The following TXK variants were observed in gnomAD, a reference collection of about 807,000 sequenced individuals.
TXK encodes TXK tyrosine kinase.
TXK carries 60 observed loss-of-function variants against 81.0 expected under a neutral mutation model. The observed-to-expected ratio is 0.74, with a 90% confidence interval of 0.60 to 0.92. TXK has a LOEUF of 0.92. TXK is among the 40% of genes least tolerant of loss of function. TXK has a pLI of 0.00. For missense variants in TXK, 581 were observed against 638.3 expected (o/e 0.91, Z 0.97); for synonymous variants, 203 against 210.7 (o/e 0.96, Z 0.32).
intron 13 of TXK, among the ~76,000 whole-genome samples, chr4:48,072,296 C>A (rs995348257): frequency 6.6e-6 from 1 of 152,202 alleles, no homozygotes; most frequent in African/African-American, 2.4e-5. Context: ...AGCCATCACG[C>A]CCGGCCTAGC....
chr4:48,071,977 A>C, intron 13 of TXK, among the ~76,000 whole-genome samples: 1 of 141,076 alleles, frequency 7.1e-6, no homozygotes, highest in Non-Finnish European at 1.5e-5. Context: ...TTTTTGAGAC[A>C]GGGTCTCGCT....
At position 48,113,329 on chromosome 4, in the gene TXK, A is replaced by G; in HGVS notation, c.72-20T>C. On this transcript the variant is annotated intron_variant, in intron 2 of 14. Transcript: ENST00000264316. ...ATTTGTCTGACATTGAAAAGCAATC[A>G]TGTTACAAATAATTATTTGTACAAA... The G allele has an allele frequency of 1.5e-5, 23 of 1,565,366 alleles. No individual in the cohort carries two copies. The highest frequency in any genetic ancestry group is 2.0e-5 in the Non-Finnish European group (23 of 1,141,766).
intron 13 of TXK, among the ~76,000 whole-genome samples, chr4:48,073,171 C>T (rs568986034): frequency 1.3e-5 from 2 of 150,976 alleles, no homozygotes; most frequent in South Asian, 4.2e-4. Flanking sequence ...AAACAATCCT[C>T]CCACTTCAGC....
Position 48,092,833 on chromosome 4 carries a change from C to T in TXK, c.709+1244G>A, listed in dbSNP as rs147297246. ...GGGACAGAAGAGGAGACGGAGGTCG[C>T]TCATGCCTGGTGACTTCACTTTTCC... On this transcript the variant is annotated intron_variant, in intron 8 of 14. Coordinates refer to ENST00000264316, the MANE Select transcript of TXK (RefSeq NM_003328.3). Among the ~76,000 whole-genome samples, 230 of 152,282 alleles carry T rather than the reference C, an allele frequency of 1.5e-3. 1 individual carries two copies. Among genetic ancestry groups the T allele is most frequent in the African/African-American group, 5.4e-3 (224 of 41,558 alleles).
Position 48,079,965 on chromosome 4 carries a change from T to C in TXK, c.1120A>G (p.Ile374Val), listed in dbSNP as rs1717230413. 6.2e-7 allele frequency: 1 copy of C among 1,613,888 alleles called. No individual in the cohort carries two copies. Among genetic ancestry groups the C allele is most frequent in the Admixed American group, 1.7e-5 (1 of 59,998 alleles). The stretch of plus-strand genomic sequence containing the variant: ...TCCAGATATTCCATTCCTTCACATA[T>C]ATCCTGGCATACACTCAGTAGCATT... ...KEMLLSVCQD[I>V]CEGMEYLERN... Residue 374 changes from isoleucine to valine, a missense_variant, in exon 11 of 15, where the codon ATA becomes GTA. Coordinates refer to ENST00000264316, the MANE Select transcript of TXK (RefSeq NM_003328.3).
intron 5 of TXK, 126 bp downstream of exon 5, chr4:48,110,412 T>C (rs1560357967): frequency 3.0e-6 from 2 of 660,382 alleles, no homozygotes; most frequent in Non-Finnish European, 5.3e-6. Flanking sequence ...ATCAAACGTC[T>C]CTTTATTATT....
chr4:48,133,051 G>A (rs1345229824), intron 1 of TXK, among the ~76,000 whole-genome samples: 1 of 152,016 alleles, frequency 6.6e-6, no homozygotes, highest in Non-Finnish European at 1.5e-5. Context: ...GGCTAGATAA[G>A]AATAACAATT....
At chr4:48,121,014 C>T (rs1718943861) in intron 1 of TXK, among the ~76,000 whole-genome samples, 1 of 152,230 alleles carries the variant, frequency 6.6e-6, no homozygotes, top group South Asian at 2.1e-4. Flanking sequence ...CCTTGTCAGT[C>T]TCCTTTGCTG....
chr4:48,070,183 A>G (rs532944974), intron 14 of TXK, among the ~76,000 whole-genome samples: 1 of 152,342 alleles, frequency 6.6e-6, no homozygotes, highest in Admixed American at 6.5e-5. Context: ...TCAGCTGGAA[A>G]GAGACCAAAG....
chr4:48,069,578 A>G (rs9992557), intron 14 of TXK, among the ~76,000 whole-genome samples: 127,353 of 151,968 alleles, frequency 0.84, 54,321 homozygotes, highest in East Asian at 1. Flanking sequence ...CGCCCACCTC[A>G]GCCTCCCAAA....
intron 1 of TXK, among the ~76,000 whole-genome samples, chr4:48,127,465 A>G (rs895079044): frequency 2.6e-5 from 4 of 152,204 alleles, no homozygotes; most frequent in Admixed American, 1.3e-4. Flanking sequence ...CTGCAGAGGG[A>G]AAGCTCTTGA....
intron 12 of TXK, among the ~76,000 whole-genome samples, chr4:48,075,254 C>A (rs1717021228): frequency 6.6e-6 from 1 of 152,124 alleles, no homozygotes; most frequent in African/African-American, 2.4e-5. Flanking sequence ...GTGCTCTTTT[C>A]CCCAGGTGGA....
At chr4:48,079,245 T>TAGA (rs1418268541) in intron 11 of TXK, among the ~76,000 whole-genome samples, 1 of 152,238 alleles carries the variant, frequency 6.6e-6, no homozygotes, top group Non-Finnish European at 1.5e-5. Flanking sequence ...GCCTGGGGAC[T>TAGA]AGACTTCCTT....
At position 48,110,606 on chromosome 4, in the gene TXK, A is replaced by T; in HGVS notation, c.381-3T>A. ...TGCTTGGGATTAAGCCTTCATTCCTACAACAAAAGAAAAAGCAAAAATCAA... is the reference window on the plus strand; with the variant it reads ...TGCTTGGGATTAAGCCTTCATTCCTTCAACAAAAGAAAAAGCAAAAATCAA... On this transcript the variant is annotated splice_region_variant and splice_polypyrimidine_tract_variant and intron_variant, in intron 4 of 14. Coordinates refer to ENST00000264316, the MANE Select transcript of TXK (RefSeq NM_003328.3). The T allele has an allele frequency of 6.2e-7, 1 of 1,611,006 alleles. No individual in the cohort carries two copies. The highest frequency in any genetic ancestry group is 8.5e-7 in the Non-Finnish European group (1 of 1,178,152).
intron 1 of TXK, among the ~76,000 whole-genome samples, chr4:48,125,573 G>C (rs752637701): frequency 6.6e-6 from 1 of 152,218 alleles, no homozygotes; most frequent in Non-Finnish European, 1.5e-5. Flanking sequence ...GGCCTCAGGA[G>C]AGGCTCTCAC....
rs757840542 is a variant in TXK, at chr4:48,086,562, A to C, written c.860T>G (p.Leu287Ter). 6.2e-7 allele frequency: 1 copy of C among 1,614,076 alleles called. No individual in the cohort carries two copies. Among genetic ancestry groups the C allele is most frequent in the South Asian group, 1.1e-5 (1 of 91,084 alleles). The change falls in exon 10 of 15, where the codon TTA becomes TGA. Residue 287 changes from leucine to a stop codon, truncating the protein, a stop_gained. Transcript: ENST00000264316. LOFTEE classifies it high-confidence loss of function. ...IGSGQFGVVH[L>*]GEWRSHIQVA... Reference sequence around the variant, plus strand: ...CTGGATATGTGACCGCCATTCACCTAAATGGACCACTCCAAACTGACCGCT... The same window carrying C: ...CTGGATATGTGACCGCCATTCACCTCAATGGACCACTCCAAACTGACCGCT...
chr4:48,091,426 A>G (rs1296950434), intron 8 of TXK, among the ~76,000 whole-genome samples: 4 of 152,150 alleles, frequency 2.6e-5, no homozygotes, highest in Non-Finnish European at 5.9e-5. Flanking sequence ...GCTAGGAAGC[A>G]TTACATTTTC....
chr4:48,079,193 C>T (rs1035653292), intron 11 of TXK, among the ~76,000 whole-genome samples: 5 of 152,164 alleles, frequency 3.3e-5, no homozygotes, highest in Admixed American at 6.5e-5. Flanking sequence ...TAGTTTAAAA[C>T]GAAGATGATA....
intron 9 of TXK, among the ~76,000 whole-genome samples, chr4:48,088,375 T>G (rs150885086): frequency 5.3e-5 from 8 of 152,354 alleles, no homozygotes; most frequent in African/African-American, 1.4e-4. Flanking sequence ...CACAAAAATG[T>G]TCTTAACAAT....
Sources: allele counts gnomAD v4.1 joint callset (sites outside exome capture counted in the v4.1 genomes callset), GRCh38; gene constraint gnomAD v4.1.1; transcripts MANE v1.5; gene names NCBI Gene and HGNC (gene_info 2026-07-23, HGNC 2026-07-21).